Variants in FTO observed in about 807,000 individuals in gnomAD.
FTO encodes the protein FTO alpha-ketoglutarate dependent dioxygenase.
Under a neutral mutation model 63.9 loss-of-function variants are expected in FTO, and 47 were observed. That is an observed-to-expected ratio of 0.74 (90% CI 0.58 to 0.94). FTO has a LOEUF of 0.94. Among genes scored for constraint, FTO ranks in the 40% least tolerant of loss-of-function variants. The pLI is 0.00. For missense variants in FTO, 562 were observed against 618.1 expected (o/e 0.91, Z 0.96); for synonymous variants, 207 against 224.4 (o/e 0.92, Z 0.69).
chr16:53,915,100 T>C (rs562217846), intron 7 of FTO, among the ~76,000 whole-genome samples: 46 of 152,314 alleles, frequency 3.0e-4, no homozygotes, highest in African/African-American at 9.4e-4. Context: ...CACCCAACCA[T>C]AAGACGGTAT....
intron 1 of FTO, among the ~76,000 whole-genome samples, chr16:53,772,367 G>C (rs2077359887): frequency 6.6e-6 from 1 of 151,900 alleles, no homozygotes; most frequent in South Asian, 2.1e-4. Flanking sequence ...GCTTCCTTTA[G>C]CTCTCTATTT....
intron 4 of FTO, among the ~76,000 whole-genome samples, chr16:53,856,192 AT>A (rs1415568681): frequency 2.0e-5 from 3 of 151,720 alleles, no homozygotes; most frequent in African/African-American, 7.3e-5. Flanking sequence ...TGATGCCATT[AT>A]TTTTTTCAGT....
intron 8 of FTO, among the ~76,000 whole-genome samples, chr16:53,958,704 G>T (rs1343971469): frequency 6.6e-6 from 1 of 152,186 alleles, no homozygotes; most frequent in Non-Finnish European, 1.5e-5. Flanking sequence ...TGGTGGCCTC[G>T]GGAAAGCTGC....
rs150717261 is a variant in FTO at position 53,915,946 on chromosome 16, T to C, written c.1240-18039T>C. 2.2e-3 allele frequency among the ~76,000 whole-genome samples: 342 copies of C among 152,354 alleles called. 2 individuals carry two copies. The highest frequency in any genetic ancestry group is 8.0e-3 in the African/African-American group (332 of 41,572). On this transcript the variant is annotated intron_variant, in intron 7 of 8. Coordinates refer to ENST00000471389, the MANE Select transcript of FTO (RefSeq NM_001080432.3). ...CAAGTCAGAGTTAAGTAGGAATTCATGCCAACCGCAGCAGTAGTTTGCAGG... is the reference window on the plus strand; with the variant it reads ...CAAGTCAGAGTTAAGTAGGAATTCACGCCAACCGCAGCAGTAGTTTGCAGG...
chr16:53,720,317 T>C (rs1168545858), intron 1 of FTO, among the ~76,000 whole-genome samples: 1 of 152,154 alleles, frequency 6.6e-6, no homozygotes, highest in Non-Finnish European at 1.5e-5. Context: ...ATCAATAAGA[T>C]AATAAATGTA....
At chr16:53,929,660 T>G (rs1345562655) in intron 7 of FTO, among the ~76,000 whole-genome samples, 1 of 152,216 alleles carries the variant, frequency 6.6e-6, no homozygotes, top group Admixed American at 6.5e-5. Flanking sequence ...CTCCTAGTAG[T>G]GTCTCAACTT....
At chr16:53,844,462 T>C (rs2079564269) in intron 4 of FTO, among the ~76,000 whole-genome samples, 164 bp downstream of exon 4, 1 of 152,194 alleles carries the variant, frequency 6.6e-6, no homozygotes, top group Non-Finnish European at 1.5e-5. Flanking sequence ...TTTTTTGAGA[T>C]ATTGCTGATT....
chr16:53,969,505 G>A (rs2083270937), intron 8 of FTO, among the ~76,000 whole-genome samples: 1 of 152,028 alleles, frequency 6.6e-6, no homozygotes. Context: ...ATGGCCTTTT[G>A]CATGCGTGTA....
chr16:53,861,892 A>C (rs17820328), intron 4 of FTO, among the ~76,000 whole-genome samples: 3 of 152,032 alleles, frequency 2.0e-5, no homozygotes, highest in Non-Finnish European at 2.9e-5. Context: ...GTGACTTCCT[A>C]TCCTTTCACT....
At chr16:53,985,906 A>G (rs1196845592) in intron 8 of FTO, among the ~76,000 whole-genome samples, 1 of 152,232 alleles carries the variant, frequency 6.6e-6, no homozygotes, top group East Asian at 1.9e-4. Context: ...TAAAGAGTGT[A>G]ACCACTAGTT....
At chr16:53,710,253 A>G (rs1357691864) in intron 1 of FTO, among the ~76,000 whole-genome samples, 2 of 145,154 alleles carry the variant, frequency 1.4e-5, no homozygotes, top group African/African-American at 5.1e-5. Context: ...TTATGATTAG[A>G]TTCAGATTTT....
chr16:53,735,545 C>T (rs1351780654), intron 1 of FTO, among the ~76,000 whole-genome samples: 1 of 152,148 alleles, frequency 6.6e-6, no homozygotes, highest in Non-Finnish European at 1.5e-5. Context: ...AGTTGATCAC[C>T]CTCCTTTTTT....
At chr16:53,816,127 G>C (rs1444603670) in intron 2 of FTO, among the ~76,000 whole-genome samples, 5 of 151,950 alleles carry the variant, frequency 3.3e-5, no homozygotes, top group Non-Finnish European at 5.9e-5. Flanking sequence ...TTTCTGTCTG[G>C]TGAGCATCTA....
At chr16:54,078,503 G>C (rs1361130673) in intron 8 of FTO, among the ~76,000 whole-genome samples, 2 of 151,828 alleles carry the variant, frequency 1.3e-5, no homozygotes, top group Admixed American at 1.3e-4. Context: ...CATGGATGCA[G>C]AGTTCTCAGT....
chr16:53,842,320 TG>T (rs2079500523), intron 3 of FTO, among the ~76,000 whole-genome samples: 1 of 152,208 alleles, frequency 6.6e-6, no homozygotes, highest in East Asian at 1.9e-4. Context: ...GAAGCTCCAG[TG>T]GGGCATAGCT....
intron 1 of FTO, among the ~76,000 whole-genome samples, chr16:53,742,863 G>A (rs2076558105): frequency 6.6e-6 from 1 of 152,164 alleles, no homozygotes; most frequent in Non-Finnish European, 1.5e-5. Flanking sequence ...TATAGTTTGT[G>A]GAGATATTGG....
intron 8 of FTO, among the ~76,000 whole-genome samples, chr16:53,965,399 G>A (rs1476855001): frequency 6.6e-6 from 1 of 152,152 alleles, no homozygotes; most frequent in East Asian, 1.9e-4. Context: ...GTAGGGATTA[G>A]TGACATCAAA....
intron 8 of FTO, among the ~76,000 whole-genome samples, chr16:54,037,882 C>T (rs1024142957): frequency 2.0e-5 from 3 of 152,242 alleles, no homozygotes; most frequent in East Asian, 1.9e-4. Context: ...AGTAGTATTA[C>T]GTGTAACTTT....
At chr16:53,798,761 C>T (rs897903350) in intron 1 of FTO, among the ~76,000 whole-genome samples, 4 of 151,996 alleles carry the variant, frequency 2.6e-5, no homozygotes, top group African/African-American at 9.7e-5. Flanking sequence ...CTTTTTCTTG[C>T]CTTGTTGCAC....
Sources: gnomAD v4.1 joint callset for allele counts (sites outside exome capture counted in the v4.1 genomes callset) on GRCh38, gnomAD v4.1.1 for gene constraint, MANE v1.5 for transcripts, NCBI Gene and HGNC (gene_info 2026-07-23, HGNC 2026-07-21) for gene names.